The following ALS2 variants were observed in gnomAD, a reference collection of about 807,000 sequenced individuals.
The protein encoded by ALS2 is alsin.
Under a neutral mutation model 203.4 loss-of-function variants are expected in ALS2, and 117 were observed. The observed-to-expected ratio is 0.58, with a 90% confidence interval of 0.50 to 0.67. The LOEUF is 0.67. Among genes scored for constraint, ALS2 ranks in the 30% least tolerant of loss-of-function variants. ALS2 has a pLI of 0.00. For missense variants in ALS2, 1,715 were observed against 1,989.4 expected (o/e 0.86, Z 2.62); for synonymous variants, 718 against 725.9 (o/e 0.99, Z 0.17).
intron 1 of ALS2, 64 bp downstream of exon 1, chr2:201,780,812 AC>A (rs946625776): frequency 1.3e-5 from 2 of 152,884 alleles, no homozygotes; most frequent in Non-Finnish European, 2.9e-5. Context: ...CCTTCCGCAT[AC>A]AAGGGGTCCC....
Position 201,704,067 on chromosome 2 carries a change from G to A in ALS2, c.4935+55C>T, listed in dbSNP as rs534426684. 15 of 1,468,748 alleles carry A rather than the reference G, an allele frequency of 1.0e-5. No homozygotes were observed. In the East Asian group the frequency reaches 3.0e-4, roughly 30 times the overall value. The allele number at this position is 1,468,748 out of a possible 1,614,324, so 91.0% of individuals were successfully genotyped here. On this transcript the variant is annotated intron_variant, in intron 33 of 33. Coordinates refer to ENST00000264276, the MANE Select transcript of ALS2 (RefSeq NM_020919.4). Reference sequence around the variant, plus strand: ...AGTGGTTAATGGCATTTATAATATGGTAAATGAAAGACAGATATGAAGATA... The same window carrying A: ...AGTGGTTAATGGCATTTATAATATGATAAATGAAAGACAGATATGAAGATA...
intron 13 of ALS2, among the ~76,000 whole-genome samples, chr2:201,732,296 G>A (rs1348986525): frequency 1.3e-5 from 2 of 151,210 alleles, no homozygotes; most frequent in African/African-American, 4.9e-5. Context: ...GCTCATGCCT[G>A]TAATCCTAGC....
chr2:201,712,457 T>TC (rs1403527289), intron 25 of ALS2, among the ~76,000 whole-genome samples: 1 of 152,250 alleles, frequency 6.6e-6, no homozygotes, highest in Non-Finnish European at 1.5e-5. Context: ...CAATTTTTCT[T>TC]CAATTCCCTT....
chr2:201,741,013 T>C (rs189160184), intron 11 of ALS2, among the ~76,000 whole-genome samples: 1 of 152,166 alleles, frequency 6.6e-6, no homozygotes, highest in African/African-American at 2.4e-5. Flanking sequence ...GAACAAAACC[T>C]ATACATACTT....
At chr2:201,721,567 C>CA (rs1690794379) in intron 23 of ALS2, among the ~76,000 whole-genome samples, 1 of 152,132 alleles carries the variant, frequency 6.6e-6, no homozygotes, top group Non-Finnish European at 1.5e-5. Flanking sequence ...TTTGGATAGC[C>CA]ATATGCAAAA....
rs764461728 is a variant in ALS2 at position 201,770,085 on chromosome 2, T to C, written c.-60-1140A>G. ...AAGTGCTACTATGCTTTGTCCATGATAGTAATTAGCCTTTTGTAAAATGCA... is the reference window on the plus strand; with the variant it reads ...AAGTGCTACTATGCTTTGTCCATGACAGTAATTAGCCTTTTGTAAAATGCA... On this transcript the variant is annotated intron_variant, in intron 1 of 33. Transcript: ENST00000264276. Among the ~76,000 whole-genome samples, 3 of 152,260 alleles carry C rather than the reference T, an allele frequency of 2.0e-5. 1 individual carries two copies. The highest frequency in any genetic ancestry group is 4.4e-5 in the Non-Finnish European group (3 of 68,048).
At chr2:201,704,922 T>C (rs972048899) in intron 31 of ALS2, among the ~76,000 whole-genome samples, 1 of 152,216 alleles carries the variant, frequency 6.6e-6, no homozygotes, top group Non-Finnish European at 1.5e-5. Flanking sequence ...ATTTCTGGCT[T>C]GGCTCTCTCC....
intron 8 of ALS2, among the ~76,000 whole-genome samples, chr2:201,749,383 T>C (rs973087760): frequency 2.0e-4 from 31 of 151,920 alleles, no homozygotes; most frequent in African/African-American, 6.8e-4. Context: ...ATTCAAAGAG[T>C]AGACATTATC....
At chr2:201,716,075 T>G (rs1690370555) in intron 24 of ALS2, among the ~76,000 whole-genome samples, 1 of 152,220 alleles carries the variant, frequency 6.6e-6, no homozygotes, top group Non-Finnish European at 1.5e-5. Flanking sequence ...GCAAACCAAT[T>G]GACTCTGCCT....
intron 13 of ALS2, among the ~76,000 whole-genome samples, chr2:201,730,341 G>T (rs1424013381): frequency 6.6e-6 from 1 of 152,132 alleles, no homozygotes; most frequent in Non-Finnish European, 1.5e-5. Flanking sequence ...GAATTATGCA[G>T]ATTTTCCAAA....
rs1693464451 is a variant in ALS2 at position 201,757,425 on chromosome 2, G to C, written c.1448C>G (p.Ser483Cys). The C allele has an allele frequency of 6.2e-7, 1 of 1,613,856 alleles. No homozygotes were observed. Among genetic ancestry groups the C allele is most frequent in the Non-Finnish European group, 8.5e-7 (1 of 1,179,902 alleles). The change falls in exon 5 of 34, where the codon TCC (serine) becomes TGC (cysteine). Residue 483 changes from serine to cysteine, a missense_variant. This residue lies in a region of ALS2 where 12 missense variants were observed against 36.6 expected (regional missense o/e 0.33). Transcript: ENST00000264276. ...ACCTTGTGACAACAATCCAGGGAGG[G>C]AGAGTCTTCGACTGCCTCCCTCTGT... Reference protein sequence around the residue: ...EETEGGSRRLSLPGLLSQVSP... With the variant: ...EETEGGSRRLCLPGLLSQVSP...
In ALS2 at chr2:201,757,496, C is replaced by T; in HGVS notation, c.1377G>A (p.Met459Ile). ...CAAGACTTGAACTTTTCTTTCCTTG[C>T]ATTGATTCCTGTTTAACCTGTTCTT... is the stretch of plus-strand genomic sequence containing the variant. Reference protein sequence around the residue: ...SREEQVKQESMQGKKSSSLVD... With the variant: ...SREEQVKQESIQGKKSSSLVD... The change falls in exon 5 of 34, where the codon ATG becomes ATA. Residue 459 changes from methionine to isoleucine, a missense_variant. Transcript: ENST00000264276. The T allele has an allele frequency of 6.2e-7, 1 of 1,613,858 alleles. No individual in the cohort carries two copies. The highest frequency in any genetic ancestry group is 1.1e-5 in the South Asian group (1 of 91,058).
intron 23 of ALS2, among the ~76,000 whole-genome samples, chr2:201,720,843 C>G (rs1690744700): frequency 6.6e-6 from 1 of 151,966 alleles, no homozygotes; most frequent in African/African-American, 2.4e-5. Context: ...GCCAGTGCAA[C>G]TGGACAAGAA....
At chr2:201,731,525 T>C (rs944294204) in intron 13 of ALS2, among the ~76,000 whole-genome samples, 1 of 152,152 alleles carries the variant, frequency 6.6e-6, no homozygotes, top group Non-Finnish European at 1.5e-5. Context: ...TATATGTATA[T>C]ATGAATACAT....
At chr2:201,753,046 T>C (rs867196025) in intron 7 of ALS2, 100 bp downstream of exon 7, 4 of 934,592 alleles carry the variant, frequency 4.3e-6, no homozygotes, top group African/African-American at 1.6e-5. Flanking sequence ...ACGGTTATCA[T>C]TGCCTGACAT....
intron 13 of ALS2, among the ~76,000 whole-genome samples, chr2:201,731,732 A>C (rs1691567125): frequency 6.6e-6 from 1 of 152,174 alleles, no homozygotes; most frequent in Non-Finnish European, 1.5e-5. Flanking sequence ...AAGCTTCCAC[A>C]GTTGATTTTG....
rs756390358 is a variant in ALS2 at position 201,761,549 on chromosome 2, C to T, written c.445G>A (p.Ala149Thr). 3 of 1,614,200 alleles carry T rather than the reference C, an allele frequency of 1.9e-6. No individual in the cohort carries two copies. Among genetic ancestry groups the T allele is most frequent in the Non-Finnish European group, 2.5e-6 (3 of 1,180,032 alleles). Reference protein sequence around the residue: ...IADSEASPLLAVRILQLACGE... With the variant: ...IADSEASPLLTVRILQLACGE... ...CACGCCAACTGTAAAATCCTGACTGCTAACAAAGGGCTGGCCTCAGAATCA... is the reference window on the plus strand; with the variant it reads ...CACGCCAACTGTAAAATCCTGACTGTTAACAAAGGGCTGGCCTCAGAATCA... Residue 149 changes from alanine (A) to threonine (T), a missense_variant, in exon 4 of 34, where the codon GCA becomes ACA. By Grantham distance (58) the Ala-to-Thr change is moderately conservative (BLOSUM62 0). This residue lies in a region of ALS2 where 476 missense variants were observed against 539.3 expected (regional missense o/e 0.88). Transcript: ENST00000264276.
At chr2:201,762,218 T>C (rs1693811835) in intron 3 of ALS2, among the ~76,000 whole-genome samples, 1 of 152,190 alleles carries the variant, frequency 6.6e-6, no homozygotes, top group Non-Finnish European at 1.5e-5. Flanking sequence ...AACAGACACA[T>C]TCACTAATAT....
In ALS2 at chr2:201,757,586, A is replaced by G; in HGVS notation, c.1287T>C (p.Pro429=). The change falls in exon 5 of 34, where the codon CCT becomes CCC. Residue 429 remains proline, a synonymous_variant. Coordinates refer to ENST00000264276, the MANE Select transcript of ALS2 (RefSeq NM_020919.4). ...TGCCTGCCTGAGCTCCAGTTTCACAAGGGGTTGTACTATAAAAGTTCATAA... is the reference window on the plus strand; with the variant it reads ...TGCCTGCCTGAGCTCCAGTTTCACAGGGGGTTGTACTATAAAAGTTCATAA... ...KKVMNFYSTT[P]CETGAQAGSS... is the part of the protein sequence containing the mutation. 2 of 1,614,138 alleles carry G rather than the reference A, an allele frequency of 1.2e-6. No homozygotes were observed. Among genetic ancestry groups the G allele is most frequent in the Non-Finnish European group, 1.7e-6 (2 of 1,180,030 alleles).
Sources: gnomAD v4.1 joint callset for allele counts (sites outside exome capture counted in the v4.1 genomes callset) on GRCh38, gnomAD v4.1.1 for gene constraint, gnomAD v4.1.1 regional missense constraint, MANE v1.5 for transcripts, NCBI Gene and HGNC (gene_info 2026-07-23, HGNC 2026-07-21) for gene names.